ZNF280D: variants seen among roughly 807,000 people sequenced by gnomAD.
ZNF280D encodes the protein zinc finger protein 280D.
A neutral mutation model predicts 94.7 loss-of-function variants in ZNF280D; 39 were observed. The observed-to-expected ratio is 0.41, with a 90% confidence interval of 0.32 to 0.54. ZNF280D has a LOEUF of 0.54. Ranked by LOEUF, ZNF280D falls within the 20% of genes least tolerant of loss-of-function variation. The pLI is 0.22. For missense variants in ZNF280D, 1,090 were observed against 1,149.3 expected, an observed-to-expected ratio of 0.95 and a Z score of 0.75; for synonymous variants, 398 against 377.6, an observed-to-expected ratio of 1.05 and a Z score of -0.63.
In ZNF280D at chr15:56,707,140, T is replaced by C. The variant is rs1284314236; in HGVS notation, c.-31A>G. On this transcript the variant is annotated 5_prime_UTR_variant, in exon 3 of 22. Coordinates refer to ENST00000267807, the MANE Select transcript of ZNF280D (RefSeq NM_017661.4). The stretch of plus-strand genomic sequence containing the variant: ...TGCAGAGATGACTTTCTGTAAATTG[T>C]CACCTAAGTACTGACACATGATATC... The C allele has an allele frequency of 1.2e-6, 2 of 1,613,636 alleles. No homozygotes were observed. The highest frequency in any genetic ancestry group is 1.7e-6 in the Non-Finnish European group (2 of 1,179,898).
At chr15:56,712,103 A>C (rs2057790251) in intron 1 of ZNF280D, among the ~76,000 whole-genome samples, 1 of 152,190 alleles carries the variant, frequency 6.6e-6, no homozygotes, top group Non-Finnish European at 1.5e-5. Flanking sequence ...CTCATGATGA[A>C]ATTTTAGCTT....
chr15:56,733,312 C>T (rs1328251144), intron 1 of ZNF280D, 146 bp downstream of exon 1: 30 of 313,048 alleles, frequency 9.6e-5, no homozygotes, highest in Non-Finnish European at 1.3e-4. Context: ...CAGCCGGTCT[C>T]CTCCCCCGCG....
intron 1 of ZNF280D, among the ~76,000 whole-genome samples, chr15:56,719,028 TTTTCC>T (rs2058196656): frequency 6.6e-6 from 1 of 152,080 alleles, no homozygotes; most frequent in South Asian, 2.1e-4. Context: ...TAAAAACAGG[TTTTCC>T]ACAAAGTTTA....
chr15:56,633,689 C>T (rs1262322690), intron 21 of ZNF280D, among the ~76,000 whole-genome samples: 2 of 151,816 alleles, frequency 1.3e-5, no homozygotes, highest in African/African-American at 4.8e-5. Context: ...CGGGGTTTCA[C>T]CATGTTGGTC....
intron 1 of ZNF280D, among the ~76,000 whole-genome samples, chr15:56,731,037 T>C (rs1195575799): frequency 1.3e-5 from 2 of 152,172 alleles, no homozygotes; most frequent in Admixed American, 6.5e-5. Flanking sequence ...GCTTATGAAG[T>C]ATTCCTGTCA....
intron 1 of ZNF280D, among the ~76,000 whole-genome samples, chr15:56,710,268 G>A (rs1423231198): frequency 6.6e-6 from 1 of 152,188 alleles, no homozygotes; most frequent in Non-Finnish European, 1.5e-5. Flanking sequence ...GCTGGGCGTG[G>A]TGGCACACGC....
At chr15:56,692,645 T>C (rs1205353403) in intron 7 of ZNF280D, among the ~76,000 whole-genome samples, 1 of 152,138 alleles carries the variant, frequency 6.6e-6, no homozygotes, top group African/African-American at 2.4e-5. Flanking sequence ...GAGTTTATAA[T>C]AGCACTTTAT....
In ZNF280D at chr15:56,676,574, G is replaced by C. The variant is rs1016150404; in HGVS notation, c.1410+96C>G. On this transcript the variant is annotated intron_variant, in intron 13 of 21. Transcript: ENST00000267807. ...TAATAGTGTCATTTGGAACAACTCT[G>C]CTTCTCTTGCAGAACAAATCTAAAG... The C allele has an allele frequency of 2.3e-5, 26 of 1,119,014 alleles. No individual in the cohort carries two copies. In the African/African-American group the frequency reaches 3.7e-4, roughly 16 times the overall value. 69.3% of individuals were successfully genotyped at this position (1,119,014 alleles called of 1,614,324 possible). A position where few individuals can be genotyped will look rare whatever the true frequency, so the allele number is the denominator to read the frequency against.
At chr15:56,640,022 T>C (rs1483866675) in intron 20 of ZNF280D, among the ~76,000 whole-genome samples, 4 of 151,048 alleles carry the variant, frequency 2.6e-5, no homozygotes, top group African/African-American at 9.7e-5. Flanking sequence ...GAGAGAGAAA[T>C]TGCAACGTTA....
chr15:56,682,288 A>T lies in ZNF280D; in HGVS notation c.970T>A (p.Phe324Ile). 6.4e-7 allele frequency: 1 copy of T among 1,572,882 alleles called. No homozygotes were observed. The highest frequency in any genetic ancestry group is 8.6e-7 in the Non-Finnish European group (1 of 1,168,042). Residue 324 changes from phenylalanine to isoleucine, a missense_variant, in exon 10 of 22, where the codon TTC (phenylalanine) becomes ATC (isoleucine). By Grantham distance (21) the Phe-to-Ile change is conservative (BLOSUM62 0). Around this residue, in one of 3 missense-constraint regions of ZNF280D, gnomAD observed 386 missense variants for 372.0 expected, o/e 1.04. Coordinates refer to ENST00000267807, the MANE Select transcript of ZNF280D (RefSeq NM_017661.4). ...TTTTTTAGAATTTTCAAGCAACTGA[A>T]GCATTTAAAGGTTGTGTGAGTCTTC... ...EQKTHTTFKCFSCLKILKNNI... is the reference protein window; with the variant it reads ...EQKTHTTFKCISCLKILKNNI...
At chr15:56,697,194 T>A (rs1395246545) in intron 6 of ZNF280D, among the ~76,000 whole-genome samples, 3 of 152,118 alleles carry the variant, frequency 2.0e-5, no homozygotes, top group Non-Finnish European at 4.4e-5. Context: ...CTATTACTTT[T>A]TTTTTTTTGA....
intron 20 of ZNF280D, among the ~76,000 whole-genome samples, chr15:56,639,919 G>A (rs1369769372): frequency 2.0e-5 from 3 of 151,956 alleles, no homozygotes; most frequent in Non-Finnish European, 2.9e-5. Flanking sequence ...AAGTTGAGGC[G>A]GGGAGTCTGG....
intron 6 of ZNF280D, among the ~76,000 whole-genome samples, chr15:56,696,329 T>C (rs2056745713): frequency 6.6e-6 from 1 of 152,234 alleles, no homozygotes; most frequent in Non-Finnish European, 1.5e-5. Context: ...TTAAACGTAC[T>C]TGCTCTTCAT....
chr15:56,676,717 C>G lies in ZNF280D; in HGVS notation c.1363G>C (p.Val455Leu). ...ATATATGGTGTTGCAATTTTAATAA[C>G]TTTGAGGCAAAACGGGCATAGCAAG... ...KNLLCPFCLKVIKIATPYMHH... is the reference protein window; with the variant it reads ...KNLLCPFCLKLIKIATPYMHH... The change falls in exon 13 of 22, where the codon GTT becomes CTT. Residue 455 changes from valine (V) to leucine (L), a missense_variant. By Grantham distance (32) the Val-to-Leu change is conservative. Coordinates refer to ENST00000267807, the MANE Select transcript of ZNF280D (RefSeq NM_017661.4). 1 of 1,612,680 alleles carries G rather than the reference C, an allele frequency of 6.2e-7. No homozygotes were observed. Among genetic ancestry groups the G allele is most frequent in the Non-Finnish European group, 8.5e-7 (1 of 1,179,180 alleles).
intron 13 of ZNF280D, among the ~76,000 whole-genome samples, chr15:56,673,547 C>T (rs1212091637): frequency 6.6e-6 from 1 of 152,046 alleles, no homozygotes; most frequent in Non-Finnish European, 1.5e-5. Context: ...ATCCTTTCTT[C>T]TCTATGGACT....
At chr15:56,632,883 C>T (rs2052152664) in intron 21 of ZNF280D, among the ~76,000 whole-genome samples, 2 of 151,486 alleles carry the variant, frequency 1.3e-5, no homozygotes, top group South Asian at 2.1e-4. Flanking sequence ...TTTTTAATAG[C>T]CCAATTTAAA....
chr15:56,717,476 C>G (rs1271422333), intron 1 of ZNF280D, among the ~76,000 whole-genome samples: 3 of 152,074 alleles, frequency 2.0e-5, no homozygotes, highest in Non-Finnish European at 4.4e-5. Context: ...GTAATATTTA[C>G]TTGTTTTGAG....
Position 56,676,702 on chromosome 15 carries a change from T to C in ZNF280D, c.1378A>G (p.Thr460Ala), listed in dbSNP as rs376630653. Reference sequence around the variant, plus strand: ...TTCATATAATGATGCATATATGGTGTTGCAATTTTAATAACTTTGAGGCAA... The same window carrying C: ...TTCATATAATGATGCATATATGGTGCTGCAATTTTAATAACTTTGAGGCAA... ...PFCLKVIKIA[T>A]PYMHHYMKHQ... Residue 460 changes from threonine (T) to alanine (A), a missense_variant, in exon 13 of 22, where the codon ACA (threonine) becomes GCA (alanine). Coordinates refer to ENST00000267807, the MANE Select transcript of ZNF280D (RefSeq NM_017661.4). 66 of 1,612,476 alleles carry C rather than the reference T, an allele frequency of 4.1e-5. No individual in the cohort carries two copies. The highest frequency in any genetic ancestry group is 5.3e-5 in the Non-Finnish European group (63 of 1,179,108).
intron 10 of ZNF280D, 135 bp from the exon 11 acceptor site, chr15:56,678,956 G>A (rs1189611070): frequency 2.7e-6 from 2 of 749,860 alleles, no homozygotes; most frequent in East Asian, 6.3e-5. Flanking sequence ...AAGTTGCCTA[G>A]GAAAGTATGC....
Sources: allele counts gnomAD v4.1 joint callset (sites outside exome capture counted in the v4.1 genomes callset), GRCh38; gene constraint gnomAD v4.1.1; regional missense constraint gnomAD v4.1.1; transcripts MANE v1.5; gene names NCBI Gene and HGNC (gene_info 2026-07-23, HGNC 2026-07-21).